The following GABRB1 variants were observed in gnomAD, a reference collection of about 807,000 sequenced individuals.
The protein encoded by GABRB1 is gamma-aminobutyric acid receptor subunit beta-1.
A neutral mutation model predicts 51.6 loss-of-function variants in GABRB1; 17 were observed. The ratio of observed to expected loss-of-function variants is 0.33; its 90% confidence interval spans 0.23 to 0.49. GABRB1 has a LOEUF of 0.49. GABRB1 is among the 20% of genes least tolerant of loss of function. The probability of loss-of-function intolerance (pLI) is 0.99; values close to 1 mark genes in which losing one functional copy is unlikely to be tolerated. For synonymous variants in GABRB1, 247 were observed against 218.9 expected (o/e 1.13, Z -1.14); for missense variants, 410 against 600.6 (o/e 0.68, Z 3.32).
At position 47,055,667 on chromosome 4, in the gene GABRB1, G is replaced by T. The variant is rs569879477; in HGVS notation, c.240+23183G>T. On this transcript the variant is annotated intron_variant, in intron 3 of 8. Transcript: ENST00000295454. ...TTCTAGGGCCCAAATGGACCCATTT[G>T]CCATGAGTTAGGAAAATTCTCAGCT... Among the ~76,000 whole-genome samples the T allele has an allele frequency of 3.3e-5, 5 of 152,230 alleles. No individual in the cohort carries two copies. In the South Asian group the frequency reaches 1.0e-3, roughly 32 times the overall value.
intron 4 of GABRB1, among the ~76,000 whole-genome samples, chr4:47,209,093 A>G (rs1720250451): frequency 6.6e-6 from 1 of 152,128 alleles, no homozygotes; most frequent in Admixed American, 6.6e-5. Context: ...TAAATTATCC[A>G]CATAGTACCA....
chr4:47,109,326 T>G (rs762234426), intron 3 of GABRB1, among the ~76,000 whole-genome samples: 1 of 152,064 alleles, frequency 6.6e-6, no homozygotes, highest in Non-Finnish European at 1.5e-5. Flanking sequence ...CTTTTAACAT[T>G]GACACTCTGA....
intron 4 of GABRB1, among the ~76,000 whole-genome samples, chr4:47,296,139 G>T (rs929207318): frequency 6.6e-6 from 1 of 151,990 alleles, no homozygotes; most frequent in Non-Finnish European, 1.5e-5. Context: ...AACCAGTACC[G>T]GCCACTGCAA....
chr4:47,194,615 T>C (rs1423959039), intron 4 of GABRB1, among the ~76,000 whole-genome samples: 1 of 152,234 alleles, frequency 6.6e-6, no homozygotes, highest in Non-Finnish European at 1.5e-5. Context: ...TCATTCAAAC[T>C]AGCACATCAG....
At chr4:47,295,184 T>A (rs1292942483) in intron 4 of GABRB1, among the ~76,000 whole-genome samples, 5 of 152,018 alleles carry the variant, frequency 3.3e-5, no homozygotes, top group Admixed American at 3.3e-4. Context: ...AACTGGAAAC[T>A]CTAAAAAGCA....
intron 4 of GABRB1, among the ~76,000 whole-genome samples, chr4:47,225,140 A>C (rs1178480260): frequency 6.6e-6 from 1 of 151,856 alleles, no homozygotes; most frequent in Non-Finnish European, 1.5e-5. Context: ...GGTGATCCGC[A>C]CACTTTGGCC....
intron 3 of GABRB1, among the ~76,000 whole-genome samples, chr4:47,050,498 A>G (rs2109506360): frequency 6.6e-6 from 1 of 152,266 alleles, no homozygotes; most frequent in Non-Finnish European, 1.5e-5. Context: ...AGCATTTTGG[A>G]AATTTCAGAT....
rs199747416 is a variant in GABRB1 at position 47,101,599 on chromosome 4, G to GA, written c.241-59643dup. Among the ~76,000 whole-genome samples, 599 of 151,892 alleles carry GA rather than the reference G, an allele frequency of 3.9e-3. 3 individuals are homozygous for GA. Among genetic ancestry groups the GA allele is most frequent in the Admixed American group, 5.1e-3 (77 of 15,208 alleles). The stretch of plus-strand genomic sequence containing the variant: ...AAGATTAGAAATAAAGAGAATGGAA[G>GA]AAAAAAATCCCTTCTGTCTGAGATC... On this transcript the variant is annotated intron_variant, in intron 3 of 8. Transcript: ENST00000295454.
At chr4:47,247,208 C>T (rs775564212) in intron 4 of GABRB1, among the ~76,000 whole-genome samples, 4 of 151,302 alleles carry the variant, frequency 2.6e-5, no homozygotes, top group South Asian at 2.1e-4. Context: ...ACTTGAGAGA[C>T]GAGGATCCAG....
chr4:47,264,491 G>C (rs1158517582), intron 4 of GABRB1, among the ~76,000 whole-genome samples: 2 of 152,154 alleles, frequency 1.3e-5, no homozygotes, highest in African/African-American at 4.8e-5. Context: ...GCATCCCAGG[G>C]GCACCCCAGG....
chr4:47,042,441 A>T (rs7654058), intron 3 of GABRB1, among the ~76,000 whole-genome samples: 25,118 of 103,642 alleles, frequency 0.24, 3,002 homozygotes, highest in Middle Eastern at 0.34. Flanking sequence ...TATATATATA[A>T]AATACGTGTG....
intron 5 of GABRB1, among the ~76,000 whole-genome samples, chr4:47,330,843 T>A (rs1012617618): frequency 6.6e-6 from 1 of 152,096 alleles, no homozygotes; most frequent in East Asian, 1.9e-4. Flanking sequence ...TATAAACATG[T>A]AAATACTCAC....
chr4:47,015,677 A>G (rs996276371), intron 1 of GABRB1, among the ~76,000 whole-genome samples: 7 of 152,354 alleles, frequency 4.6e-5, no homozygotes, highest in African/African-American at 1.7e-4. Context: ...TGCTTACCAT[A>G]ATTTGTAAAG....
chr4:47,073,806 G>A lies in GABRB1; in HGVS notation c.240+41322G>A, dbSNP rs571578527. Among the ~76,000 whole-genome samples the A allele has an allele frequency of 2.4e-4, 36 of 152,208 alleles. No homozygotes were observed. In the South Asian group the frequency reaches 7.1e-3, roughly 30 times the overall value. On this transcript the variant is annotated intron_variant, in intron 3 of 8. Transcript: ENST00000295454. Reference sequence around the variant, plus strand: ...CCTGGAGGCCCTATGCCACAGAGATGGGAAACCTCTTTTCATTACTTGAAA... The same window carrying A: ...CCTGGAGGCCCTATGCCACAGAGATAGGAAACCTCTTTTCATTACTTGAAA...
chr4:47,128,441 A>G (rs1012257173), intron 3 of GABRB1, among the ~76,000 whole-genome samples: 1 of 151,942 alleles, frequency 6.6e-6, no homozygotes, highest in Non-Finnish European at 1.5e-5. Context: ...TAGACTAATC[A>G]AATAAGAGGA....
intron 4 of GABRB1, among the ~76,000 whole-genome samples, chr4:47,193,910 G>T (rs1400697498): frequency 6.6e-6 from 1 of 151,996 alleles, no homozygotes; most frequent in African/African-American, 2.4e-5. Flanking sequence ...TTTTATGACC[G>T]AGAAAAGGGC....
rs140186284 is a variant in GABRB1 at position 47,000,427 on chromosome 4, A to C, written c.-20+6501A>C. Among the ~76,000 whole-genome samples, 741 of 152,294 alleles carry C rather than the reference A, an allele frequency of 4.9e-3. 2 individuals are homozygous for C. The highest frequency in any genetic ancestry group is 0.027 in the Middle Eastern group (8 of 294). ...GGTGGTCAGGACTTAGGTGTTCACT[A>C]TGTTACTTTTTTTATATTCATCTTC... On this transcript the variant is annotated intron_variant, in intron 1 of 3. Coordinates refer to the GABRB1 transcript ENST00000513567.
At chr4:47,154,308 A>G (rs1449649930) in intron 3 of GABRB1, among the ~76,000 whole-genome samples, 1 of 135,794 alleles carries the variant, frequency 7.4e-6, no homozygotes, top group Non-Finnish European at 1.5e-5. Flanking sequence ...ACTGGCATGT[A>G]TACTAGTATA....
intron 4 of GABRB1, among the ~76,000 whole-genome samples, chr4:47,258,886 C>A (rs1722318982): frequency 6.6e-6 from 1 of 152,098 alleles, no homozygotes; most frequent in South Asian, 2.1e-4. Flanking sequence ...TATTTTCACT[C>A]TAGTAAATTT....
Sources: allele counts gnomAD v4.1 joint callset (sites outside exome capture counted in the v4.1 genomes callset), GRCh38; gene constraint gnomAD v4.1.1; transcripts MANE v1.5; gene names NCBI Gene and HGNC (gene_info 2026-07-23, HGNC 2026-07-21).